The following TRIO variants were observed in gnomAD, a reference collection of about 807,000 sequenced individuals.
TRIO encodes the protein trio Rho guanine nucleotide exchange factor, also known as triple functional domain protein.
In TRIO, 58 loss-of-function variants were observed where a neutral mutation model predicts 351.9. The observed-to-expected ratio is 0.16, with a 90% CI of 0.13 to 0.21. The LOEUF is 0.21. TRIO is among the 10% of genes least tolerant of loss of function. The pLI is 1.00. For synonymous variants in TRIO, 1,758 were observed against 1,595.7 expected (o/e 1.10, Z -2.42); for missense variants, 3,201 against 4,027.8 (o/e 0.79, Z 5.56).
At chr5:14,216,828 T>G (rs1469108364) in intron 1 of TRIO, among the ~76,000 whole-genome samples, 1 of 152,242 alleles carries the variant, frequency 6.6e-6, no homozygotes, top group Non-Finnish European at 1.5e-5. Context: ...GACTGGCCTA[T>G]TTGCCTTGGT....
chr5:14,379,035 G>A (rs983252565), intron 20 of TRIO, among the ~76,000 whole-genome samples: 2 of 152,142 alleles, frequency 1.3e-5, no homozygotes, highest in Admixed American at 6.5e-5. Flanking sequence ...TAAGATTCCT[G>A]TCACTTCTGT....
chr5:14,250,820 A>G (rs1794700583), intron 1 of TRIO, among the ~76,000 whole-genome samples: 1 of 152,140 alleles, frequency 6.6e-6, no homozygotes, highest in African/African-American at 2.4e-5. Flanking sequence ...GCTGCCATGA[A>G]TTGTGCCCAG....
chr5:14,494,032 T>C (rs1756693404), intron 49 of TRIO, among the ~76,000 whole-genome samples: 2 of 152,190 alleles, frequency 1.3e-5, no homozygotes, highest in South Asian at 4.1e-4. Context: ...AACTAGTTGA[T>C]TCATGAAGTT....
intron 7 of TRIO, among the ~76,000 whole-genome samples, chr5:14,298,063 C>T (rs983345068): frequency 2.0e-5 from 3 of 152,096 alleles, no homozygotes; most frequent in African/African-American, 2.4e-5. Context: ...AGGTGCTGCC[C>T]GCAAGGGTGA....
rs749422883 is a variant in TRIO at position 14,488,002 on chromosome 5, C to A, written c.7374C>A (p.Asn2458Lys). The A allele has an allele frequency of 6.4e-7, 1 of 1,573,912 alleles. No homozygotes were observed. Among genetic ancestry groups the A allele is most frequent in the Admixed American group, 1.8e-5 (1 of 55,496 alleles). Residue 2458 changes from asparagine (N) to lysine (K), a missense_variant, in exon 48 of 57, where the codon AAC (asparagine) becomes AAA (lysine). This residue lies in a region of TRIO where 1,089 missense variants were observed against 954.9 expected (regional missense o/e 1.14). Coordinates refer to ENST00000344204, the MANE Select transcript of TRIO (RefSeq NM_007118.4). ...GGGCCGGGGCCGCTTCGCCGCTGAA[C>A]TCGCCGCTCTCCAGCGCGGTCCCTT... ...KPRAGAASPL[N>K]SPLSSAVPSL...
intron 9 of TRIO, among the ~76,000 whole-genome samples, chr5:14,318,714 A>G (rs1440370362): frequency 2.6e-5 from 4 of 152,228 alleles, no homozygotes. Flanking sequence ...CATTGTGGGA[A>G]TGAAATCATG....
intron 1 of TRIO, among the ~76,000 whole-genome samples, chr5:14,149,161 G>C (rs546953381): frequency 1.3e-5 from 2 of 152,284 alleles, no homozygotes; most frequent in Admixed American, 1.3e-4. Flanking sequence ...CTTCCTGCTG[G>C]ACCCCTGGTC....
intron 33 of TRIO, 28 bp downstream of exon 33, chr5:14,406,700 G>A (rs369778136): frequency 2.2e-5 from 35 of 1,603,814 alleles, no homozygotes; most frequent in East Asian, 1.8e-4. Context: ...CTTTGTGTGC[G>A]GAGGGGAATG....
At chr5:14,210,698 A>C (rs1016314894) in intron 1 of TRIO, among the ~76,000 whole-genome samples, 1 of 152,200 alleles carries the variant, frequency 6.6e-6, no homozygotes, top group Non-Finnish European at 1.5e-5. Context: ...TGAATCATAG[A>C]TATCACCCTT....
intron 1 of TRIO, among the ~76,000 whole-genome samples, chr5:14,239,412 C>T (rs943437793): frequency 5.3e-5 from 8 of 152,274 alleles, no homozygotes; most frequent in African/African-American, 1.9e-4. Flanking sequence ...TCCTTGGTGT[C>T]TCTACTAACA....
At chr5:14,232,137 C>T (rs1010533726) in intron 1 of TRIO, among the ~76,000 whole-genome samples, 2 of 152,096 alleles carry the variant, frequency 1.3e-5, no homozygotes, top group African/African-American at 4.8e-5. Context: ...GATGAGAGAC[C>T]TGTGGTTGCC....
At chr5:14,208,951 T>G (rs1214931985) in intron 1 of TRIO, among the ~76,000 whole-genome samples, 2 of 152,274 alleles carry the variant, frequency 1.3e-5, no homozygotes, top group Non-Finnish European at 2.9e-5. Flanking sequence ...ATTGTGATGT[T>G]GTAAAACTGG....
chr5:14,321,805 C>T (rs1739912966), intron 9 of TRIO, among the ~76,000 whole-genome samples: 1 of 152,138 alleles, frequency 6.6e-6, no homozygotes, highest in Admixed American at 6.5e-5. Flanking sequence ...TGGGTCTTCC[C>T]TGTACTGTTC....
intron 1 of TRIO, among the ~76,000 whole-genome samples, chr5:14,255,322 G>A (rs1458564534): frequency 6.6e-6 from 1 of 152,212 alleles, no homozygotes; most frequent in East Asian, 1.9e-4. Flanking sequence ...TTGGGTTCTC[G>A]GGTAGTGGAT....
intron 1 of TRIO, among the ~76,000 whole-genome samples, chr5:14,249,323 C>T (rs1310684108): frequency 6.6e-6 from 1 of 152,206 alleles, no homozygotes; most frequent in Non-Finnish European, 1.5e-5. Context: ...GAGAGCCCGC[C>T]CATGGTTAGG....
intron 11 of TRIO, among the ~76,000 whole-genome samples, chr5:14,352,996 C>G (rs898576399): frequency 6.6e-6 from 1 of 152,052 alleles, no homozygotes; most frequent in East Asian, 1.9e-4. Flanking sequence ...CTCTAACAGA[C>G]TAATTCTAGC....
chr5:14,425,739 C>G (rs1750587693), intron 34 of TRIO, among the ~76,000 whole-genome samples: 1 of 152,168 alleles, frequency 6.6e-6, no homozygotes, highest in African/African-American at 2.4e-5. Flanking sequence ...ACTACCCTTA[C>G]AAAAGAGGCC....
At chr5:14,263,388 G>C (rs1345659481) in intron 1 of TRIO, among the ~76,000 whole-genome samples, 1 of 151,782 alleles carries the variant, frequency 6.6e-6, no homozygotes, top group Non-Finnish European at 1.5e-5. Flanking sequence ...AAAGACAATA[G>C]AGGAAAAGGA....
At chr5:14,159,530 C>A (rs1423606886) in intron 1 of TRIO, among the ~76,000 whole-genome samples, 4 of 151,438 alleles carry the variant, frequency 2.6e-5, no homozygotes, top group Non-Finnish European at 4.4e-5. Context: ...CATTAAAAAT[C>A]GGTGTCATTG....
Sources: gnomAD v4.1 joint callset for allele counts (sites outside exome capture counted in the v4.1 genomes callset) on GRCh38, gnomAD v4.1.1 for gene constraint, gnomAD v4.1.1 regional missense constraint, MANE v1.5 for transcripts, NCBI Gene and HGNC (gene_info 2026-07-23, HGNC 2026-07-21) for gene names.